The following NEDD1 variants were observed in gnomAD, a reference collection of about 807,000 sequenced individuals.
NEDD1 encodes the protein NEDD1 gamma-tubulin ring complex targeting factor.
NEDD1 carries 33 observed loss-of-function variants against 74.0 expected under a neutral mutation model. The observed-to-expected ratio is 0.45, with a 90% confidence interval of 0.34 to 0.60. The LOEUF (loss-of-function observed/expected upper bound fraction) is 0.60, where lower values mean the gene tolerates loss of function less well. Ranked by LOEUF, NEDD1 falls within the 20% of genes least tolerant of loss-of-function variation. The pLI is 0.01. For missense variants in NEDD1, 746 were observed against 776.5 expected, an observed-to-expected ratio of 0.96 and a Z score of 0.47; for synonymous variants, 250 against 264.4, an observed-to-expected ratio of 0.95 and a Z score of 0.53.
chr12:96,922,857 G>A (rs1875250949), intron 6 of NEDD1, among the ~76,000 whole-genome samples: 3 of 152,256 alleles, frequency 2.0e-5, no homozygotes, highest in Admixed American at 2.0e-4. Context: ...GTGGCTACCT[G>A]TAATCTCAGC....
chr12:96,944,496 TTC>T, intron 12 of NEDD1, 141 bp from the exon 13 acceptor site: 1 of 460,486 alleles, frequency 2.2e-6, no homozygotes, highest in South Asian at 5.0e-5. Context: ...CTTTTTCTTT[TTC>T]TTCTTCTATA....
intron 11 of NEDD1, among the ~76,000 whole-genome samples, chr12:96,942,928 T>G (rs906809847): frequency 2.6e-5 from 4 of 151,976 alleles, no homozygotes; most frequent in Admixed American, 6.6e-5. Flanking sequence ...CCAATGAGCT[T>G]CTTTATATAT....
intron 6 of NEDD1, among the ~76,000 whole-genome samples, chr12:96,920,965 A>G (rs1288803954): frequency 6.6e-6 from 1 of 152,222 alleles, no homozygotes; most frequent in Non-Finnish European, 1.5e-5. Context: ...ATACAGATAT[A>G]TAAATGGTAT....
At chr12:96,921,130 C>T (rs1312516179) in intron 6 of NEDD1, among the ~76,000 whole-genome samples, 1 of 152,014 alleles carries the variant, frequency 6.6e-6, no homozygotes, top group African/African-American at 2.4e-5. Flanking sequence ...ATAAACTGGC[C>T]TCTTTGCCAA....
At chr12:96,941,473 G>A (rs989187926) in intron 10 of NEDD1, among the ~76,000 whole-genome samples, 10 of 152,182 alleles carry the variant, frequency 6.6e-5, no homozygotes, top group Non-Finnish European at 1.5e-4. Context: ...AACTGAAAGA[G>A]GAAGGATTCT....
chr12:96,912,915 T>TA (rs1874067573), intron 4 of NEDD1, 98 bp downstream of exon 4: 1 of 617,270 alleles, frequency 1.6e-6, no homozygotes, highest in Non-Finnish European at 2.9e-6. Flanking sequence ...TAAAGGTTTT[T>TA]AAAAGCATTA....
At position 96,953,350 on chromosome 12, in the gene NEDD1, T is replaced by C. The variant is rs1401014711; in HGVS notation, c.*1297T>C. ...AAAATAAAAACAGGAATATTACTTT[T>C]ACCCAGTGTGGTTTATAGCATACAT... On this transcript the variant is annotated 3_prime_UTR_variant, in exon 16 of 16. Coordinates refer to ENST00000266742, the MANE Select transcript of NEDD1 (RefSeq NM_152905.4). The C allele has an allele frequency of 6.6e-6, 1 of 151,774 alleles. No homozygotes were observed. 9.4% of individuals were successfully genotyped at this position (151,774 alleles called of 1,614,324 possible).
At chr12:96,938,015 A>G (rs1161816764) in intron 9 of NEDD1, among the ~76,000 whole-genome samples, 1 of 152,140 alleles carries the variant, frequency 6.6e-6, no homozygotes, top group Non-Finnish European at 1.5e-5. Context: ...AATACTTTAG[A>G]AAGTCTACAT....
intron 6 of NEDD1, among the ~76,000 whole-genome samples, chr12:96,920,684 G>T (rs1279605901): frequency 1.3e-5 from 2 of 152,112 alleles, no homozygotes; most frequent in Non-Finnish European, 2.9e-5. Context: ...ATGTTCAAAA[G>T]AATAAATTCA....
chr12:96,950,820 T>C (rs572584452), intron 14 of NEDD1, among the ~76,000 whole-genome samples: 2 of 152,022 alleles, frequency 1.3e-5, no homozygotes, highest in South Asian at 4.1e-4. Context: ...TCATAAGTTG[T>C]GTGGTGGGTG....
intron 6 of NEDD1, among the ~76,000 whole-genome samples, chr12:96,927,705 A>G (rs950812782): frequency 6.6e-6 from 1 of 152,222 alleles, no homozygotes; most frequent in Admixed American, 6.5e-5. Context: ...TTTTGTAAGC[A>G]TTAATAGTCT....
chr12:96,911,812 TAC>T (rs1362863449), intron 3 of NEDD1, among the ~76,000 whole-genome samples: 3 of 152,164 alleles, frequency 2.0e-5, no homozygotes, highest in Admixed American at 2.0e-4. Flanking sequence ...ATAATAAAAT[TAC>T]AGTCTATGCT....
intron 12 of NEDD1, among the ~76,000 whole-genome samples, chr12:96,944,220 G>A (rs912693647): frequency 6.6e-6 from 1 of 151,950 alleles, no homozygotes; most frequent in Non-Finnish European, 1.5e-5. Flanking sequence ...AGCCAGTTGG[G>A]TATACAATAT....
In NEDD1 at chr12:96,935,211, T is replaced by C; in HGVS notation, c.719+6T>C. On this transcript the variant is annotated splice_donor_region_variant and intron_variant, in intron 7 of 15. Coordinates refer to ENST00000266742, the MANE Select transcript of NEDD1 (RefSeq NM_152905.4). ...TATGACACTTCAAGTAAGAAGTAAG[T>C]GTGACATGCTTATTTCTTAATTTAG... 7.1e-7 allele frequency: 1 copy of C among 1,404,754 alleles called. No individual in the cohort carries two copies. The highest frequency in any genetic ancestry group is 1.0e-6 in the Non-Finnish European group (1 of 989,240). The allele number at this position is 1,404,754 out of a possible 1,614,324, so 87.0% of individuals were successfully genotyped here.
intron 15 of NEDD1, 96 bp from the exon 16 acceptor site, chr12:96,951,853 A>G (rs1482076279): frequency 1.5e-6 from 1 of 674,682 alleles, no homozygotes; most frequent in Non-Finnish European, 2.6e-6. Context: ...AGTTAATTGA[A>G]CATGAGAGAA....
chr12:96,938,182 GTTGATC>G (rs1565806935), intron 9 of NEDD1, among the ~76,000 whole-genome samples: 1 of 151,446 alleles, frequency 6.6e-6, no homozygotes, highest in Non-Finnish European at 1.5e-5. Context: ...ACTTTAATTT[GTTGATC>G]TTGATAGTGT....
intron 6 of NEDD1, among the ~76,000 whole-genome samples, chr12:96,928,287 G>T (rs1258721345): frequency 6.6e-6 from 1 of 151,966 alleles, no homozygotes; most frequent in Non-Finnish European, 1.5e-5. Flanking sequence ...TTAATGACTG[G>T]ATGTATTTCA....
chr12:96,951,273 C>G (rs984901175), intron 14 of NEDD1, among the ~76,000 whole-genome samples, 159 bp from the exon 15 acceptor site: 1 of 151,806 alleles, frequency 6.6e-6, no homozygotes, highest in Non-Finnish European at 1.5e-5. Flanking sequence ...CAGTGCCTAG[C>G]ACATAGTGAA....
intron 13 of NEDD1, 28 bp from the exon 14 acceptor site, chr12:96,945,665 T>C: frequency 1.4e-6 from 2 of 1,446,724 alleles, no homozygotes; most frequent in Non-Finnish European, 1.9e-6. Context: ...AAGTTGACTA[T>C]TAATATTTTC....
Sources: allele counts gnomAD v4.1 joint callset (sites outside exome capture counted in the v4.1 genomes callset), GRCh38; gene constraint gnomAD v4.1.1; transcripts MANE v1.5; gene names NCBI Gene and HGNC (gene_info 2026-07-23, HGNC 2026-07-21).